LRMDA: variants seen among roughly 807,000 people sequenced by gnomAD.
The protein encoded by LRMDA is leucine-rich melanocyte differentiation-associated protein.
Under a neutral mutation model 29.8 loss-of-function variants are expected in LRMDA, and 18 were observed. The ratio of observed to expected loss-of-function variants is 0.60; its 90% CI spans 0.42 to 0.90. The LOEUF (loss-of-function observed/expected upper bound fraction) is 0.90. LRMDA is among the 40% of genes least tolerant of loss of function. The pLI is 0.00. For missense variants in LRMDA, 273 were observed against 273.9 expected, an observed-to-expected ratio of 1.00 and a Z score of 0.02; for synonymous variants, 125 against 109.4, an observed-to-expected ratio of 1.14 and a Z score of -0.89.
chr10:75,670,842 A>T (rs1466952135), intron 2 of LRMDA, among the ~76,000 whole-genome samples: 3 of 152,028 alleles, frequency 2.0e-5, no homozygotes, highest in Admixed American at 1.3e-4. Flanking sequence ...CCGCTCCCTT[A>T]CCTCAGGGGA....
At chr10:76,450,673 T>A (rs1842397099) in intron 6 of LRMDA, among the ~76,000 whole-genome samples, 1 of 152,210 alleles carries the variant, frequency 6.6e-6, no homozygotes, top group Admixed American at 6.5e-5. Context: ...CACATTATTA[T>A]TTTACATTGT....
At chr10:75,809,346 T>C (rs1843915820) in intron 2 of LRMDA, among the ~76,000 whole-genome samples, 1 of 152,106 alleles carries the variant, frequency 6.6e-6, no homozygotes, top group Non-Finnish European at 1.5e-5. Context: ...GGAGTGGTCA[T>C]CAAAAAGCAG....
Position 76,523,513 on chromosome 10 carries a change from G to T in LRMDA, c.602-33696G>T, listed in dbSNP as rs151334843. ...AAATGCCACTGTCCCTGAGATCACA[G>T]CTCCAAGTTCCTCTAGGCTATGCAC... On this transcript the variant is annotated intron_variant, in intron 6 of 6. Coordinates refer to ENST00000611255, the MANE Select transcript of LRMDA (RefSeq NM_001305581.2). Among the ~76,000 whole-genome samples the T allele has an allele frequency of 6.5e-4, 99 of 152,090 alleles. 1 individual carries two copies. In the South Asian group the frequency reaches 0.013, roughly 19 times the overall value.
intron 6 of LRMDA, among the ~76,000 whole-genome samples, chr10:76,407,366 T>G (rs1283750990): frequency 2.0e-5 from 3 of 152,154 alleles, no homozygotes; most frequent in Non-Finnish European, 4.4e-5. Flanking sequence ...CACTCAAAAT[T>G]TGAGGGCCTG....
At chr10:76,093,882 A>G (rs1849272223) in intron 5 of LRMDA, among the ~76,000 whole-genome samples, 1 of 152,168 alleles carries the variant, frequency 6.6e-6, no homozygotes, top group African/African-American at 2.4e-5. Context: ...CTTCTCATTA[A>G]TAACAGTGGT....
chr10:76,066,682 C>T (rs1337593622), intron 5 of LRMDA, among the ~76,000 whole-genome samples: 1 of 152,124 alleles, frequency 6.6e-6, no homozygotes, highest in Non-Finnish European at 1.5e-5. Flanking sequence ...TTGTAATTTC[C>T]AATTTTAACC....
chr10:75,456,762 G>T (rs1056435246), intron 2 of LRMDA, among the ~76,000 whole-genome samples: 1 of 152,152 alleles, frequency 6.6e-6, no homozygotes, highest in Non-Finnish European at 1.5e-5. Context: ...TGCAACCTCC[G>T]CCTCCCAGGT....
At chr10:75,963,942 C>G (rs142222030) in intron 2 of LRMDA, among the ~76,000 whole-genome samples, 180 of 152,268 alleles carry the variant, frequency 1.2e-3, no homozygotes, top group African/African-American at 4.0e-3. Flanking sequence ...ATCCTTCTTG[C>G]TTTGGGGTTC....
At chr10:76,181,766 C>T (rs867641228) in intron 5 of LRMDA, among the ~76,000 whole-genome samples, 1 of 152,202 alleles carries the variant, frequency 6.6e-6, no homozygotes, top group Non-Finnish European at 1.5e-5. Context: ...ACAGGCAAAA[C>T]CATCTTGACT....
intron 6 of LRMDA, among the ~76,000 whole-genome samples, chr10:76,539,271 G>A (rs553598265): frequency 6.6e-6 from 1 of 152,262 alleles, no homozygotes; most frequent in South Asian, 2.1e-4. Flanking sequence ...AAGGAAAAGA[G>A]GAGACAGAAA....
Position 75,882,460 on chromosome 10 carries a change from G to C in LRMDA, c.132-153548G>C, listed in dbSNP as rs990282151. Among the ~76,000 whole-genome samples, 2 of 152,156 alleles carry C rather than the reference G, an allele frequency of 1.3e-5. 1 individual carries two copies. The highest frequency in any genetic ancestry group is 4.8e-5 in the African/African-American group (2 of 41,430). ...CATAGAAATGAGGACAGCAGCTATA[G>C]AGCACCTAAAATTTTCTACAGGTAT... On this transcript the variant is annotated intron_variant, in intron 2 of 6. Transcript: ENST00000611255.
chr10:75,850,667 G>C (rs1057396563), intron 2 of LRMDA, among the ~76,000 whole-genome samples: 21 of 152,134 alleles, frequency 1.4e-4, no homozygotes, highest in African/African-American at 4.8e-4. Flanking sequence ...CACAGGGTTT[G>C]GGGGTTAGAA....
chr10:76,362,441 T>G (rs887319406), intron 6 of LRMDA, among the ~76,000 whole-genome samples: 27 of 152,352 alleles, frequency 1.8e-4, no homozygotes, highest in African/African-American at 6.0e-4. Context: ...GAAAGTAACA[T>G]AGTACTTAGC....
intron 6 of LRMDA, among the ~76,000 whole-genome samples, chr10:76,503,334 T>G (rs1165931030): frequency 6.6e-6 from 1 of 151,732 alleles, no homozygotes; most frequent in African/African-American, 2.4e-5. Context: ...GCGCTGACAT[T>G]GTAGAATGAG....
chr10:76,299,551 C>G (rs1444769720), intron 5 of LRMDA, among the ~76,000 whole-genome samples: 1 of 151,316 alleles, frequency 6.6e-6, no homozygotes. Flanking sequence ...CTCTGCTCTG[C>G]TTGTACAATG....
At chr10:76,218,355 A>G (rs1350619485) in intron 5 of LRMDA, among the ~76,000 whole-genome samples, 1 of 152,254 alleles carries the variant, frequency 6.6e-6, no homozygotes, top group Non-Finnish European at 1.5e-5. Context: ...AAATGATGGC[A>G]GTGCCGAGAG....
rs570895215 is a variant in LRMDA at position 75,810,527 on chromosome 10, T to C, written c.132-225481T>C. Among the ~76,000 whole-genome samples the C allele has an allele frequency of 4.6e-5, 7 of 152,342 alleles. No individual in the cohort carries two copies. In the East Asian group the frequency reaches 1.4e-3, roughly 29 times the overall value. ...CATCTAGATTCTGGCTTTGAACCCCTGAGTTGAACCTCATGAAATCACCAA... is the reference window on the plus strand; with the variant it reads ...CATCTAGATTCTGGCTTTGAACCCCCGAGTTGAACCTCATGAAATCACCAA... On this transcript the variant is annotated intron_variant, in intron 2 of 6. Transcript: ENST00000611255.
intron 5 of LRMDA, among the ~76,000 whole-genome samples, chr10:76,123,543 A>G (rs1322232696): frequency 6.6e-6 from 1 of 152,188 alleles, no homozygotes; most frequent in African/African-American, 2.4e-5. Context: ...AAGTCAATAT[A>G]TGTAAAACAC....
intron 6 of LRMDA, among the ~76,000 whole-genome samples, chr10:76,540,640 T>C (rs1843343855): frequency 6.6e-6 from 1 of 152,212 alleles, no homozygotes; most frequent in Non-Finnish European, 1.5e-5. Flanking sequence ...AACATATTAA[T>C]TATGTTCCTT....
Sources: gnomAD v4.1 joint callset for allele counts (sites outside exome capture counted in the v4.1 genomes callset) on GRCh38, gnomAD v4.1.1 for gene constraint, MANE v1.5 for transcripts, NCBI Gene and HGNC (gene_info 2026-07-23, HGNC 2026-07-21) for gene names.